The following FGD4 variants were observed in gnomAD, a reference collection of about 807,000 sequenced individuals.
FGD4 encodes the protein FYVE, RhoGEF and PH domain-containing protein 4.
In FGD4, 42 loss-of-function variants were observed where a neutral mutation model predicts 102.0. That is an observed-to-expected ratio of 0.41 (90% CI 0.32 to 0.53). The LOEUF is 0.53. FGD4 is among the 20% of genes least tolerant of loss of function. FGD4 has a pLI of 0.21. For synonymous variants in FGD4, 380 were observed against 375.7 expected, an observed-to-expected ratio of 1.01 and a Z score of -0.13; for missense variants, 902 against 1,078.2, an observed-to-expected ratio of 0.84 and a Z score of 2.29.
At chr12:32,501,960 G>T (rs956284644) in intron 1 of FGD4, 4 of 906,294 alleles carry the variant, frequency 4.4e-6, no homozygotes, top group Non-Finnish European at 5.3e-6. Context: ...GCACTGGCTT[G>T]TTTAAATAGC....
rs183098169 is a variant in FGD4, at chr12:32,526,170, A to G, written c.167-37967A>G. Among the ~76,000 whole-genome samples, 555 of 152,364 alleles carry G rather than the reference A, an allele frequency of 3.6e-3. 3 individuals carry two copies. Among genetic ancestry groups the G allele is most frequent in the African/African-American group, 0.013 (532 of 41,600 alleles). ...GGGGACATGGAGAGTCTTTATATCTAGCTCAGGGATTGTAAATACACCAAT... is the reference window on the plus strand; with the variant it reads ...GGGGACATGGAGAGTCTTTATATCTGGCTCAGGGATTGTAAATACACCAAT... On this transcript the variant is annotated intron_variant, in intron 1 of 16. Transcript: ENST00000534526.
intron 1 of FGD4, among the ~76,000 whole-genome samples, chr12:32,472,856 T>C (rs1943455543): frequency 6.6e-6 from 1 of 152,152 alleles, no homozygotes; most frequent in Non-Finnish European, 1.5e-5. Context: ...AGTGCACCAA[T>C]CGACACTGTA....
intron 1 of FGD4, among the ~76,000 whole-genome samples, chr12:32,498,707 G>A (rs896465677): frequency 6.6e-5 from 10 of 152,158 alleles, no homozygotes; most frequent in South Asian, 2.1e-4. Flanking sequence ...GGGTTCAAGC[G>A]ATTCTCCCAC....
intron 1 of FGD4, among the ~76,000 whole-genome samples, chr12:32,423,591 CA>C (rs35872227): frequency 0.38 from 27,362 of 72,860 alleles, 3,693 homozygotes; most frequent in African/African-American, 0.59. Context: ...GACTTCATCT[CA>C]AAAAAAAAAA....
intron 2 of FGD4, chr12:32,574,729 T>C (rs1488694692): frequency 1.3e-5 from 2 of 152,200 alleles, no homozygotes; most frequent in Non-Finnish European, 2.9e-5. Flanking sequence ...TGATGAGATC[T>C]AGGCCAGTGA....
chr12:32,585,680 A>G (rs1411657698), intron 4 of FGD4, among the ~76,000 whole-genome samples: 2 of 151,836 alleles, frequency 1.3e-5, no homozygotes, highest in African/African-American at 4.8e-5. Flanking sequence ...CAAAAAATTT[A>G]AAAGTTCGCT....
At chr12:32,535,562 C>T (rs1026981644) in intron 1 of FGD4, among the ~76,000 whole-genome samples, 1 of 151,902 alleles carries the variant, frequency 6.6e-6, no homozygotes, top group Non-Finnish European at 1.5e-5. Flanking sequence ...CTTTTGCAGG[C>T]GTTCCACCAC....
intron 16 of FGD4, 75 bp downstream of exon 16, chr12:32,638,870 A>G: frequency 6.2e-7 from 1 of 1,606,742 alleles, no homozygotes; most frequent in African/African-American, 1.3e-5. Flanking sequence ...GCGGACTCAA[A>G]ATCTGTAGAA....
At chr12:32,548,220 C>T (rs1031066515) in intron 1 of FGD4, among the ~76,000 whole-genome samples, 4 of 152,054 alleles carry the variant, frequency 2.6e-5, no homozygotes, top group African/African-American at 7.2e-5. Flanking sequence ...TACCCTGTTG[C>T]GGCATCCATG....
rs538736849 is a variant in FGD4, at chr12:32,546,132, C to G, written c.167-18005C>G. On this transcript the variant is annotated intron_variant, in intron 1 of 16. Coordinates refer to ENST00000534526, the MANE Select transcript of FGD4 (RefSeq NM_001370298.3). ...TGTACTTATGTGTGGCCAGTAGACT[C>G]TTTAGCAAAATTAAACAAATGCTAA... Among the ~76,000 whole-genome samples the G allele has an allele frequency of 3.3e-5, 5 of 152,338 alleles. No individual in the cohort carries two copies. In the East Asian group the frequency reaches 9.6e-4, roughly 29 times the overall value.
intron 7 of FGD4, among the ~76,000 whole-genome samples, chr12:32,602,583 C>T (rs1435717217): frequency 6.6e-6 from 1 of 152,154 alleles, no homozygotes; most frequent in Non-Finnish European, 1.5e-5. Context: ...AATGAGTTCC[C>T]ATTCGGGTCT....
intron 4 of FGD4, among the ~76,000 whole-genome samples, 196 bp from the exon 5 acceptor site, chr12:32,598,282 GAGGTCAAAGGAGAAACTAT>G (rs1399272760): frequency 6.6e-6 from 1 of 152,176 alleles, no homozygotes; most frequent in African/African-American, 2.4e-5. Context: ...AACTGCTGCA[GAGGTCAAAGGAGAAACTAT>G]AGTTTAAATC....
rs151239170 is a variant in FGD4 at position 32,512,902 on chromosome 12, T to C, written c.167-51235T>C. ...AAGAGGGAAGGGCATGGTATCTGCA[T>C]AAAATTTCTAGTGGAGAATAGATGA... On this transcript the variant is annotated intron_variant, in intron 1 of 16. Transcript: ENST00000534526. Among the ~76,000 whole-genome samples the C allele has an allele frequency of 9.1e-3, 1,380 of 152,302 alleles. 27 individuals are homozygous for C. The highest frequency in any genetic ancestry group is 0.032 in the African/African-American group (1,316 of 41,560).
At chr12:32,593,758 G>T (rs1295443646) in intron 4 of FGD4, among the ~76,000 whole-genome samples, 1 of 152,194 alleles carries the variant, frequency 6.6e-6, no homozygotes, top group Non-Finnish European at 1.5e-5. Flanking sequence ...AGTTCTGCCA[G>T]GTTGCTGTCT....
intron 1 of FGD4, among the ~76,000 whole-genome samples, chr12:32,539,441 T>C (rs1942610765): frequency 6.6e-6 from 1 of 152,086 alleles, no homozygotes; most frequent in African/African-American, 2.4e-5. Context: ...TAGTGGCACA[T>C]GCCTATAATC....
chr12:32,566,760 A>G (rs1945220139), intron 2 of FGD4, among the ~76,000 whole-genome samples: 1 of 152,152 alleles, frequency 6.6e-6, no homozygotes, highest in Non-Finnish European at 1.5e-5. Flanking sequence ...AGAGAAGAGA[A>G]GGGGGTGTTA....
At chr12:32,439,378 A>T (rs1412141099) in intron 1 of FGD4, among the ~76,000 whole-genome samples, 1 of 152,204 alleles carries the variant, frequency 6.6e-6, no homozygotes, top group African/African-American at 2.4e-5. Context: ...ACTTAGGTTG[A>T]TTCCATATCT....
chr12:32,578,691 A>G (rs2136397286), intron 3 of FGD4, among the ~76,000 whole-genome samples: 1 of 152,116 alleles, frequency 6.6e-6, no homozygotes, highest in East Asian at 1.9e-4. Context: ...TTAGCCAGGT[A>G]TGGTGGTGCA....
chr12:32,527,329 A>G (rs2136798464), intron 1 of FGD4, among the ~76,000 whole-genome samples: 1 of 152,310 alleles, frequency 6.6e-6, no homozygotes, highest in Middle Eastern at 3.4e-3. Flanking sequence ...TGGAATGCTG[A>G]CAGAAGCAGT....
Sources: allele counts gnomAD v4.1 joint callset (sites outside exome capture counted in the v4.1 genomes callset), GRCh38; gene constraint gnomAD v4.1.1; transcripts MANE v1.5; gene names NCBI Gene and HGNC (gene_info 2026-07-23, HGNC 2026-07-21).